STAT1: variants seen among roughly 807,000 people sequenced by gnomAD.
The protein encoded by STAT1 is signal transducer and activator of transcription 1, also known as signal transducer and activator of transcription 1-alpha/beta.
In STAT1, 24 loss-of-function variants were observed where a neutral mutation model predicts 111.7. The observed-to-expected ratio is 0.21, with a 90% confidence interval of 0.16 to 0.30. The LOEUF (loss-of-function observed/expected upper bound fraction) is 0.30. Ranked by LOEUF, STAT1 falls within the 10% of genes least tolerant of loss-of-function variation. The pLI, the probability that STAT1 is intolerant of heterozygous loss-of-function variation, is 1.00. For synonymous variants in STAT1, 332 were observed against 326.5 expected (o/e 1.02, Z -0.18); for missense variants, 351 against 911.9 (o/e 0.38, Z 7.92).
chr2:190,980,763 G>C lies in STAT1; in HGVS notation c.1583-94C>G, dbSNP rs1559008060. On this transcript the variant is annotated intron_variant, in intron 18 of 24. Transcript: ENST00000361099. This position sits in a 1 kb window ranked among gnomAD's most constrained non-coding sequence, Gnocchi z 6.1. ...CTCTTGTATTTGCTCTCAAGGAAAA[G>C]AGCCAAACACCCAACAAAGATTGTA... The C allele has an allele frequency of 1.5e-5, 19 of 1,236,554 alleles. 1 individual carries two copies. The highest frequency in any genetic ancestry group is 3.7e-4 in the Middle Eastern group (2 of 5,356). 76.6% of individuals were successfully genotyped at this position (1,236,554 alleles called of 1,614,324 possible). A position where few individuals can be genotyped will look rare whatever the true frequency, so the allele number is the denominator to read the frequency against.
At position 191,006,597 on chromosome 2, in the gene STAT1, A is replaced by G. The variant is rs1694721028; in HGVS notation, c.372+966T>C. Among the ~76,000 whole-genome samples, 1 of 152,208 alleles carries G rather than the reference A, an allele frequency of 6.6e-6. No individual in the cohort carries two copies. ...TGTTGGTGAAATGCACACAGGATGC[A>G]TACTGTGTCCTCTGGCATCCATATA... is the stretch of plus-strand genomic sequence containing the variant. On this transcript the variant is annotated intron_variant, in intron 5 of 24. Transcript: ENST00000361099. This position sits in a 1 kb window ranked among gnomAD's most constrained non-coding sequence, Gnocchi z 4.6.
chr2:191,009,425 T>A (rs1574673243), intron 3 of STAT1, among the ~76,000 whole-genome samples: 2 of 118,418 alleles, frequency 1.7e-5, no homozygotes, highest in East Asian at 4.0e-4. Flanking sequence ...GTTTTTAAAT[T>A]AGCAAATAAT....
chr2:191,003,078 T>C lies in STAT1; in HGVS notation c.373-1915A>G, dbSNP rs143461045. ...TTTATATTGATACTCATAAGTAAAA[T>C]TGGTCCATAATTTTTTGTTTTATCT... On this transcript the variant is annotated intron_variant, in intron 5 of 24. Coordinates refer to ENST00000361099, the MANE Select transcript of STAT1 (RefSeq NM_007315.4). The surrounding 1 kb of genome is among the most constrained non-coding windows in gnomAD (Gnocchi z 4.0). 1.1e-4 allele frequency among the ~76,000 whole-genome samples: 17 copies of C among 152,298 alleles called. No individual in the cohort carries two copies. Among genetic ancestry groups the C allele is most frequent in the African/African-American group, 1.7e-4 (7 of 41,562 alleles).
chr2:190,991,184 C>G (rs1374317452), intron 11 of STAT1, 44 bp downstream of exon 11: 1 of 1,589,542 alleles, frequency 6.3e-7, no homozygotes, highest in Non-Finnish European at 8.6e-7. Context: ...GGGGTACAAA[C>G]TACGTGACAG....
rs1274851520 is a variant in STAT1, at chr2:190,975,723, A to C, written c.2135+89T>G. On this transcript the variant is annotated intron_variant, in intron 23 of 24. Transcript: ENST00000361099. This position sits in a 1 kb window ranked among gnomAD's most constrained non-coding sequence, Gnocchi z 5.9. ...ATGGCGATAGCAATTACAATGGAAA[A>C]GTAAAATACAAGCATCTTCAACAGG... 9 of 1,580,842 alleles carry C rather than the reference A, an allele frequency of 5.7e-6. No individual in the cohort carries two copies. The highest frequency in any genetic ancestry group is 7.7e-6 in the Non-Finnish European group (9 of 1,162,662).
At chr2:191,009,233 T>C in intron 3 of STAT1, 126 bp from the exon 4 acceptor site, 3 of 1,231,146 alleles carry the variant, frequency 2.4e-6, no homozygotes, top group Non-Finnish European at 3.4e-6. Context: ...AGGTTTATTT[T>C]CTTCTTTTGA....
chr2:190,971,063 A>G lies in STAT1; in HGVS notation c.2239-346T>C, dbSNP rs1194157898. On this transcript the variant is annotated intron_variant, in intron 24 of 24. Transcript: ENST00000361099. The surrounding 1 kb of genome is among the most constrained non-coding windows in gnomAD (Gnocchi z 4.1). ...GAAACGGGTGAGGAAATGCTGAGCC[A>G]TATGCCAGAGGGAGAGAGGAAGGAG... Among the ~76,000 whole-genome samples, 1 of 152,208 alleles carries G rather than the reference A, an allele frequency of 6.6e-6. No homozygotes were observed. The highest frequency in any genetic ancestry group is 2.4e-5 in the African/African-American group (1 of 41,452).
intron 10 of STAT1, 134 bp downstream of exon 10, chr2:190,994,927 A>ATAT (rs1553496759): frequency 3.7e-4 from 50 of 135,104 alleles, no homozygotes; most frequent in Middle Eastern, 3.2e-3. Context: ...AAAAAAAAAA[A>ATAT]ATATATATAT....
chr2:190,984,227 C>T lies in STAT1; in HGVS notation c.1347+83G>A. The T allele has an allele frequency of 8.5e-7, 1 of 1,171,478 alleles. No individual in the cohort carries two copies. Among genetic ancestry groups the T allele is most frequent in the Non-Finnish European group, 1.3e-6 (1 of 789,548 alleles). The allele number at this position is 1,171,478 out of a possible 1,614,324, so 72.6% of individuals were successfully genotyped here. A position where few individuals can be genotyped will look rare whatever the true frequency, so the allele number is the denominator to read the frequency against. Reference sequence around the variant, plus strand: ...AACAATTAGGTAAATACCTCCAGAACAAACACTGAGAAATAAAAATACATG... The same window carrying T: ...AACAATTAGGTAAATACCTCCAGAATAAACACTGAGAAATAAAAATACATG... On this transcript the variant is annotated intron_variant, in intron 16 of 24. Coordinates refer to ENST00000361099, the MANE Select transcript of STAT1 (RefSeq NM_007315.4). This position sits in a 1 kb window ranked among gnomAD's most constrained non-coding sequence, Gnocchi z 5.2.
rs1692860886 is a variant in STAT1, at chr2:190,986,770, T to C, written c.1221+84A>G. The C allele has an allele frequency of 1.1e-5, 15 of 1,335,276 alleles. No homozygotes were observed. The East Asian group carries it at 2.8e-4, about 24-fold the overall frequency. The allele number at this position is 1,335,276 out of a possible 1,614,324, so 82.7% of individuals were successfully genotyped here. A position where few individuals can be genotyped will look rare whatever the true frequency, so the allele number is the denominator to read the frequency against. ...CCCCAGCAGGGGGGCGTCCTCCACA[T>C]GGCAATGTGCCAAAAAGGGCTGCTC... On this transcript the variant is annotated intron_variant, in intron 14 of 24. Coordinates refer to ENST00000361099, the MANE Select transcript of STAT1 (RefSeq NM_007315.4). The surrounding 1 kb of genome is among the most constrained non-coding windows in gnomAD (Gnocchi z 5.0).
Position 191,004,881 on chromosome 2 carries a change from TCCCTTCAGACCCTATGGA to T in STAT1, c.372+2664_372+2681del, listed in dbSNP as rs1270257333. Among the ~76,000 whole-genome samples, 1 of 151,940 alleles carries T rather than the reference TCCCTTCAGACCCTATGGA, an allele frequency of 6.6e-6. No homozygotes were observed. Among genetic ancestry groups the T allele is most frequent in the African/African-American group, 2.4e-5 (1 of 41,348 alleles). Reference sequence around the variant, plus strand: ...TCCCACCTGAAAGAAATTCTCCCCATCCCTTCAGACCCTATGGACCTAAATTTTTGTCTAGACATGCAA... The same window carrying T: ...TCCCACCTGAAAGAAATTCTCCCCATCCTAAATTTTTGTCTAGACATGCAA... On this transcript the variant is annotated intron_variant, in intron 5 of 24. Transcript: ENST00000361099. The surrounding 1 kb of genome is among the most constrained non-coding windows in gnomAD (Gnocchi z 5.0).
intron 3 of STAT1, 93 bp from the exon 4 acceptor site, chr2:191,009,200 A>T: frequency 2.1e-6 from 3 of 1,398,370 alleles, no homozygotes; most frequent in Non-Finnish European, 3.0e-6. Flanking sequence ...TGAAATTATT[A>T]AAAATAATTT....
intron 4 of STAT1, 35 bp downstream of exon 4, chr2:191,008,928 A>G (rs1246423608): frequency 2.5e-6 from 4 of 1,610,384 alleles, no homozygotes; most frequent in Non-Finnish European, 3.4e-6. Flanking sequence ...TAAACATGAG[A>G]ACATTTCAAC....
chr2:190,994,999 G>A (rs557797300), intron 10 of STAT1, 62 bp downstream of exon 10: 53 of 1,429,734 alleles, frequency 3.7e-5, no homozygotes, highest in South Asian at 1.5e-4. Flanking sequence ...CTGAATTAAC[G>A]GTAAAATGTT....
chr2:190,998,686 A>C lies in STAT1; in HGVS notation c.542-378T>G, dbSNP rs1342640231. On this transcript the variant is annotated intron_variant, in intron 7 of 24. Coordinates refer to ENST00000361099, the MANE Select transcript of STAT1 (RefSeq NM_007315.4). The surrounding 1 kb of genome is among the most constrained non-coding windows in gnomAD (Gnocchi z 4.1). ...CCAAAAAAAAACAAAAAAAACAAAA[A>C]AAAAACAAAAAAAACTTGTTTTCAG... Among the ~76,000 whole-genome samples, 2 of 151,522 alleles carry C rather than the reference A, an allele frequency of 1.3e-5. No homozygotes were observed. The highest frequency in any genetic ancestry group is 2.1e-4 in the South Asian group (1 of 4,816).
rs1692955268 is a variant in STAT1 at position 190,987,612 on chromosome 2, T to C, written c.1098-544A>G. On this transcript the variant is annotated intron_variant, in intron 12 of 24. Coordinates refer to ENST00000361099, the MANE Select transcript of STAT1 (RefSeq NM_007315.4). This position sits in a 1 kb window ranked among gnomAD's most constrained non-coding sequence, Gnocchi z 4.0. ...TCATGAAAGTACCAGGAAAGTCAGT[T>C]ATCTGGGGAAAGTGGCAAGTTTAAG... Among the ~76,000 whole-genome samples, 2 of 152,340 alleles carry C rather than the reference T, an allele frequency of 1.3e-5. No individual in the cohort carries two copies. Among genetic ancestry groups the C allele is most frequent in the Admixed American group, 6.5e-5 (1 of 15,306 alleles).
At position 190,974,860 on chromosome 2, in the gene STAT1, C is replaced by T; in HGVS notation, c.2208G>A (p.Arg736=). 1 of 1,614,166 alleles carries T rather than the reference C, an allele frequency of 6.2e-7. No homozygotes were observed. Among genetic ancestry groups the T allele is most frequent in the Non-Finnish European group, 8.5e-7 (1 of 1,180,014 alleles). Residue 736 remains arginine (R), a synonymous_variant, in exon 24 of 25, where the codon CGG becomes CGA. Transcript: ENST00000361099. This position sits in a 1 kb window ranked among gnomAD's most constrained non-coding sequence, Gnocchi z 4.8. ...TGTCGAATTCTACAGAGCCCACTAT[C>T]CGAGACACCTCGTCAAACTCCTCAG... The part of the protein sequence containing the change: ...MSPEEFDEVS[R]IVGSVEFDSM...
chr2:190,979,831 A>G lies in STAT1; in HGVS notation c.1668T>C (p.Leu556=). Reference sequence around the variant, plus strand: ...TGAGTTCTAGGATGCTTTCAATCCAAAGCCAGAAGGGAAAATTTTTATCAT... The same window carrying G: ...TGAGTTCTAGGATGCTTTCAATCCAGAGCCAGAAGGGAAAATTTTTATCAT... ...NINDKNFPFW[L]WIESILELIK... The change falls in exon 20 of 25, where the codon CTT becomes CTC. Residue 556 remains leucine (L), a synonymous_variant. Coordinates refer to ENST00000361099, the MANE Select transcript of STAT1 (RefSeq NM_007315.4). This position sits in a 1 kb window ranked among gnomAD's most constrained non-coding sequence, Gnocchi z 5.8. The G allele has an allele frequency of 6.2e-7, 1 of 1,613,850 alleles. No individual in the cohort carries two copies. The highest frequency in any genetic ancestry group is 2.2e-5 in the East Asian group (1 of 44,886).
chr2:191,009,786 C>A lies in STAT1; in HGVS notation c.128+90G>T. 3 of 1,516,230 alleles carry A rather than the reference C, an allele frequency of 2.0e-6. No homozygotes were observed. In the South Asian group the frequency reaches 3.4e-5, roughly 17 times the overall value. 93.9% of individuals were successfully genotyped at this position (1,516,230 alleles called of 1,614,324 possible). ...AATTCCAGTGGCCATTGATGGAATT[C>A]ATCTTCCAGTAAACATGGCCCCAAG... On this transcript the variant is annotated intron_variant, in intron 3 of 24. Coordinates refer to ENST00000361099, the MANE Select transcript of STAT1 (RefSeq NM_007315.4).
Sources: gnomAD v4.1 joint callset for allele counts (sites outside exome capture counted in the v4.1 genomes callset) on GRCh38, gnomAD v4.1.1 for gene constraint, Gnocchi (gnomAD v3.1) non-coding constraint, MANE v1.5 for transcripts, NCBI Gene and HGNC (gene_info 2026-07-23, HGNC 2026-07-21) for gene names.